CGGBP1: variants seen among roughly 807,000 people sequenced by gnomAD.
CGGBP1 encodes CGG triplet repeat binding protein 1.
Under a neutral mutation model 11.4 loss-of-function variants are expected in CGGBP1, and 4 were observed. The ratio of observed to expected loss-of-function variants is 0.35; its 90% CI spans 0.17 to 0.80. The LOEUF (loss-of-function observed/expected upper bound fraction) is 0.80. Ranked by LOEUF, CGGBP1 falls within the 30% of genes least tolerant of loss-of-function variation. The probability of loss-of-function intolerance (pLI) is 0.52; values close to 1 mark genes in which losing one functional copy is unlikely to be tolerated. For synonymous variants in CGGBP1, 76 were observed against 74.1 expected (o/e 1.03, Z -0.13); for missense variants, 135 against 202.1 (o/e 0.67, Z 2.01).
At chr3:88,116,697 A>T (rs1274604580) in intron 2 of CGGBP1, among the ~76,000 whole-genome samples, 4 of 151,952 alleles carry the variant, frequency 2.6e-5, no homozygotes, top group Admixed American at 1.3e-4. Flanking sequence ...TATGATCCAA[A>T]CTAAATGCAG....
rs183801549 is a variant in CGGBP1, at chr3:88,064,566, T to A, written c.-228-6343A>T. Among the ~76,000 whole-genome samples the A allele has an allele frequency of 7.6e-4, 115 of 152,244 alleles. No individual in the cohort carries two copies. The East Asian group carries it at 0.016, about 22-fold the overall frequency. ...TGTGGTACCTCAAATTCCTGAGATGTTCTGGGGTTCTGGGGTTGATTCAAG... is the reference window on the plus strand; with the variant it reads ...TGTGGTACCTCAAATTCCTGAGATGATCTGGGGTTCTGGGGTTGATTCAAG... On this transcript the variant is annotated intron_variant, in intron 2 of 3. Transcript: ENST00000462901.
In CGGBP1 at chr3:88,129,592, TC is replaced by T. The variant is rs1052149797; in HGVS notation, c.-229+11377del. On this transcript the variant is annotated intron_variant, in intron 2 of 3. Coordinates refer to the CGGBP1 transcript ENST00000462901. ...TGTCTTTGTAGAAGAAAACTAGAAA[TC>T]TAAGCAATTTCTCTTGAATGTTTAA... 2.9e-6 allele frequency: 3 copies of T among 1,019,058 alleles called. No homozygotes were observed. The African/African-American group carries it at 4.8e-5, about 16-fold the overall frequency. 63.1% of individuals were successfully genotyped at this position (1,019,058 alleles called of 1,614,324 possible).
intron 2 of CGGBP1, among the ~76,000 whole-genome samples, chr3:88,104,289 C>T (rs1576286021): frequency 2.6e-5 from 4 of 152,184 alleles, no homozygotes; most frequent in Admixed American, 6.5e-5. Context: ...TATTTTTAAA[C>T]ACTGTAAAAC....
chr3:88,093,544 C>G (rs1163743279), intron 2 of CGGBP1, among the ~76,000 whole-genome samples: 1 of 152,150 alleles, frequency 6.6e-6, no homozygotes, highest in Non-Finnish European at 1.5e-5. Context: ...TATTGGCAAG[C>G]TGTCTAAGAG....
At chr3:88,086,073 A>G (rs1708322816) in intron 2 of CGGBP1, among the ~76,000 whole-genome samples, 1 of 152,218 alleles carries the variant, frequency 6.6e-6, no homozygotes, top group South Asian at 2.1e-4. Flanking sequence ...TTTCAAAGAT[A>G]ATAATTGATT....
chr3:88,136,259 C>T (rs1706777876), intron 2 of CGGBP1, among the ~76,000 whole-genome samples: 1 of 152,088 alleles, frequency 6.6e-6, no homozygotes, highest in South Asian at 2.1e-4. Flanking sequence ...AGAAAGTTTA[C>T]AGTGTGAGGT....
chr3:88,126,543 C>T, intron 2 of CGGBP1, among the ~76,000 whole-genome samples: 1 of 135,872 alleles, frequency 7.4e-6, no homozygotes, highest in Non-Finnish European at 1.6e-5. Flanking sequence ...TTTGTCACTT[C>T]AGTTATATTA....
intron 2 of CGGBP1, among the ~76,000 whole-genome samples, chr3:88,134,382 T>C (rs1706647895): frequency 2.0e-5 from 3 of 152,222 alleles, no homozygotes; most frequent in Admixed American, 2.0e-4. Flanking sequence ...TTTTATGACA[T>C]GTTTTAAAGA....
chr3:88,058,417 T>TGGCACCTCCTCCAGCTCCCCA, intron 1 of CGGBP1, among the ~76,000 whole-genome samples, 194 bp from the exon 2 acceptor site: 1 of 152,094 alleles, frequency 6.6e-6, no homozygotes, highest in East Asian at 1.9e-4. Context: ...TCCGCCCGCT[T>TGGCACCTCCTCCAGCTCCCCA]GGCACCTCCT....
chr3:88,123,405 C>G (rs1361138404), intron 2 of CGGBP1, among the ~76,000 whole-genome samples: 1 of 152,076 alleles, frequency 6.6e-6, no homozygotes, highest in Admixed American at 6.6e-5. Context: ...TAATTTTTAA[C>G]AAAGATTGGC....
chr3:88,074,629 C>T (rs1328010455), intron 2 of CGGBP1, among the ~76,000 whole-genome samples: 1 of 152,122 alleles, frequency 6.6e-6, no homozygotes, highest in African/African-American at 2.4e-5. Flanking sequence ...GCGTGAGCCA[C>T]TGCGCCCGGC....
At position 88,082,530 on chromosome 3, in the gene CGGBP1, A is replaced by G. The variant is rs189700569; in HGVS notation, c.-228-24307T>C. On this transcript the variant is annotated intron_variant, in intron 2 of 3. Coordinates refer to the CGGBP1 transcript ENST00000462901. ...CTATGAACTGTGAGGTGTTTGAGGTAATGAAAGTTGATGACAATGGGAGTC... is the reference window on the plus strand; with the variant it reads ...CTATGAACTGTGAGGTGTTTGAGGTGATGAAAGTTGATGACAATGGGAGTC... Among the ~76,000 whole-genome samples, 907 of 152,336 alleles carry G rather than the reference A, an allele frequency of 6.0e-3. 4 individuals carry two copies. Among genetic ancestry groups the G allele is most frequent in the Non-Finnish European group, 8.6e-3 (582 of 68,018 alleles).
At chr3:88,146,689 A>G (rs1707319135) in intron 1 of CGGBP1, among the ~76,000 whole-genome samples, 1 of 152,116 alleles carries the variant, frequency 6.6e-6, no homozygotes, top group African/African-American at 2.4e-5. Flanking sequence ...TACCCTCATC[A>G]TGTAATTTTA....
At chr3:88,144,518 GTTAAA>G (rs1211562678) in intron 1 of CGGBP1, 5 of 152,394 alleles carry the variant, frequency 3.3e-5, no homozygotes, top group African/African-American at 1.2e-4. Flanking sequence ...CTTGTTGAAT[GTTAAA>G]TTATTTTACT....
At chr3:88,087,923 C>G (rs1576241969) in intron 2 of CGGBP1, among the ~76,000 whole-genome samples, 6 of 152,148 alleles carry the variant, frequency 3.9e-5, no homozygotes, top group Admixed American at 3.9e-4. Flanking sequence ...TCTTTGAGTG[C>G]TAACGTGATA....
Position 88,052,704 on chromosome 3 carries a change from T to C in CGGBP1, c.*2769A>G, listed in dbSNP as rs1267862282. 3 of 152,056 alleles carry C rather than the reference T, an allele frequency of 2.0e-5. No homozygotes were observed. The East Asian group carries it at 5.8e-4, about 29-fold the overall frequency. The allele number at this position is 152,056 out of a possible 1,614,324, so 9.4% of individuals were successfully genotyped here. On this transcript the variant is annotated 3_prime_UTR_variant, in exon 4 of 4. Transcript: ENST00000482016. ...ATTCAATAGGGCCAAATGCATTAACTGGAAATAGCATTTTTTTAAAGTCTT... is the reference window on the plus strand; with the variant it reads ...ATTCAATAGGGCCAAATGCATTAACCGGAAATAGCATTTTTTTAAAGTCTT...
At chr3:88,084,995 C>G (rs898508733) in intron 2 of CGGBP1, among the ~76,000 whole-genome samples, 1 of 152,204 alleles carries the variant, frequency 6.6e-6, no homozygotes, top group Non-Finnish European at 1.5e-5. Flanking sequence ...AACAGGTTCT[C>G]TGCTCTGGAG....
chr3:88,149,452 G>A (rs1707367865), intron 1 of CGGBP1, among the ~76,000 whole-genome samples: 1 of 152,262 alleles, frequency 6.6e-6, no homozygotes, highest in South Asian at 2.1e-4. Context: ...AGGAAAGTCC[G>A]CTGGAAGGCG....
intron 2 of CGGBP1, among the ~76,000 whole-genome samples, chr3:88,066,443 A>G (rs1707203533): frequency 6.6e-6 from 1 of 152,036 alleles, no homozygotes; most frequent in African/African-American, 2.4e-5. Flanking sequence ...GTGTGGTGGC[A>G]CACACCTGTA....
Sources: gnomAD v4.1 joint callset for allele counts (sites outside exome capture counted in the v4.1 genomes callset) on GRCh38, gnomAD v4.1.1 for gene constraint, MANE v1.5 for transcripts, NCBI Gene and HGNC (gene_info 2026-07-23, HGNC 2026-07-21) for gene names.